Variants in PPM1H observed in about 807,000 individuals in gnomAD.
The protein encoded by PPM1H is protein phosphatase 1H.
Under a neutral mutation model 54.9 loss-of-function variants are expected in PPM1H, and 27 were observed. The observed-to-expected ratio is 0.49, with a 90% confidence interval of 0.36 to 0.68. The LOEUF (loss-of-function observed/expected upper bound fraction) is 0.68. Ranked by LOEUF, PPM1H falls within the 30% of genes least tolerant of loss-of-function variation. The pLI is 0.00. For missense variants in PPM1H, 596 were observed against 667.8 expected (o/e 0.89, Z 1.19); for synonymous variants, 305 against 270.8 (o/e 1.13, Z -1.24).
chr12:62,683,026 TTTA>T lies in PPM1H; in HGVS notation c.1245+6670_1245+6672del, dbSNP rs912141559. 1.9e-4 allele frequency among the ~76,000 whole-genome samples: 26 copies of T among 136,904 alleles called. No homozygotes were observed. The South Asian group carries it at 4.7e-3, about 25-fold the overall frequency. The allele number at this position is 136,904 out of a possible 152,430, so 89.8% of individuals were successfully genotyped here. A position where few individuals can be genotyped will look rare whatever the true frequency, so the allele number is the denominator to read the frequency against. On this transcript the variant is annotated intron_variant, in intron 8 of 9. Transcript: ENST00000228705. ...TTTATAGATACTACATTTGGGAGAG[TTTA>T]TTATTTATTATTATTATTATTATTA...
At chr12:62,667,933 T>C (rs1396479705) in intron 8 of PPM1H, among the ~76,000 whole-genome samples, 15 of 152,116 alleles carry the variant, frequency 9.9e-5, no homozygotes, top group African/African-American at 3.4e-4. Flanking sequence ...AGCAGCCAAC[T>C]CCTCTCACAT....
At chr12:62,823,216 G>T (rs746585005) in intron 2 of PPM1H, among the ~76,000 whole-genome samples, 3 of 152,100 alleles carry the variant, frequency 2.0e-5, no homozygotes, top group Non-Finnish European at 4.4e-5. Context: ...TCTCTGAATA[G>T]ACCAATAACA....
intron 4 of PPM1H, among the ~76,000 whole-genome samples, chr12:62,743,303 A>G (rs1349167287): frequency 6.6e-6 from 1 of 152,170 alleles, no homozygotes; most frequent in African/African-American, 2.4e-5. Context: ...CAGTGAGCCG[A>G]AACTGCACCA....
chr12:62,780,658 G>A (rs2076636632), intron 4 of PPM1H, among the ~76,000 whole-genome samples: 1 of 152,174 alleles, frequency 6.6e-6, no homozygotes, highest in African/African-American at 2.4e-5. Context: ...CTTTACTGTG[G>A]TTAAGCTTCA....
intron 1 of PPM1H, among the ~76,000 whole-genome samples, chr12:62,863,409 C>A (rs913159572): frequency 6.6e-6 from 1 of 152,176 alleles, no homozygotes; most frequent in African/African-American, 2.4e-5. Flanking sequence ...GCCACATATT[C>A]CTATTCAGAG....
chr12:62,886,941 C>T (rs571018598), intron 1 of PPM1H, among the ~76,000 whole-genome samples: 6 of 152,274 alleles, frequency 3.9e-5, no homozygotes, highest in African/African-American at 1.2e-4. Context: ...GAGGGGAAAG[C>T]GATGGGAAGA....
chr12:62,837,053 A>T (rs1053851643), intron 1 of PPM1H, among the ~76,000 whole-genome samples: 4 of 152,220 alleles, frequency 2.6e-5, no homozygotes, highest in Non-Finnish European at 4.4e-5. Flanking sequence ...ATCTACTTAA[A>T]AGGAGCAAAT....
At chr12:62,856,427 T>A (rs952611696) in intron 1 of PPM1H, among the ~76,000 whole-genome samples, 4 of 152,206 alleles carry the variant, frequency 2.6e-5, no homozygotes, top group African/African-American at 7.2e-5. Context: ...TGATGCCCAG[T>A]GTCCCACAAA....
chr12:62,843,212 A>C (rs1868820811), intron 1 of PPM1H, among the ~76,000 whole-genome samples: 1 of 152,182 alleles, frequency 6.6e-6, no homozygotes, highest in African/African-American at 2.4e-5. Flanking sequence ...GCTACTTGGG[A>C]GGCTGAGGCA....
chr12:62,816,898 A>G (rs1168229902), intron 2 of PPM1H, among the ~76,000 whole-genome samples: 1 of 151,814 alleles, frequency 6.6e-6, no homozygotes, highest in Non-Finnish European at 1.5e-5. Flanking sequence ...ACAGTGGGAA[A>G]CTATAGTGAA....
At chr12:62,655,636 A>G (rs549499221) in intron 9 of PPM1H, among the ~76,000 whole-genome samples, 2 of 152,332 alleles carry the variant, frequency 1.3e-5, no homozygotes, top group African/African-American at 4.8e-5. Flanking sequence ...AGAGCAGCCA[A>G]GAAGAATATG....
intron 2 of PPM1H, among the ~76,000 whole-genome samples, chr12:62,805,443 T>C (rs1456060334): frequency 2.0e-5 from 3 of 152,234 alleles, no homozygotes; most frequent in Non-Finnish European, 4.4e-5. Flanking sequence ...TGAAACAACC[T>C]TAGCATCCAT....
chr12:62,788,105 A>G (rs1414248941), intron 4 of PPM1H, 121 bp downstream of exon 4: 1 of 706,284 alleles, frequency 1.4e-6, no homozygotes, highest in Non-Finnish European at 2.4e-6. Flanking sequence ...CCTTAAATGC[A>G]TTTTCATTCT....
chr12:62,774,544 G>A (rs1335498479), intron 4 of PPM1H, among the ~76,000 whole-genome samples: 4 of 152,036 alleles, frequency 2.6e-5, no homozygotes, highest in Non-Finnish European at 5.9e-5. Flanking sequence ...ATCTCATCAT[G>A]TTGCCCAGAC....
chr12:62,881,968 A>G (rs1351859438), intron 1 of PPM1H, among the ~76,000 whole-genome samples: 3 of 152,246 alleles, frequency 2.0e-5, no homozygotes, highest in Admixed American at 6.5e-5. Flanking sequence ...TACCAGCTAC[A>G]TATTTAACAG....
intron 1 of PPM1H, among the ~76,000 whole-genome samples, chr12:62,909,974 C>T (rs1871406779): frequency 6.6e-6 from 1 of 152,106 alleles, no homozygotes; most frequent in African/African-American, 2.4e-5. Flanking sequence ...GTTTTAATAA[C>T]ATTAATTGCA....
chr12:62,825,775 C>G (rs139479708), intron 2 of PPM1H, among the ~76,000 whole-genome samples: 259 of 152,062 alleles, frequency 1.7e-3, no homozygotes, highest in Middle Eastern at 0.01. Context: ...GGAGAAATAC[C>G]TAATGAAAAT....
At chr12:62,878,119 G>C (rs2594711) in intron 1 of PPM1H, among the ~76,000 whole-genome samples, 99,351 of 151,994 alleles carry the variant, frequency 0.65, 33,606 homozygotes, top group African/African-American at 0.83. Flanking sequence ...AGGATGGTCT[G>C]GATCTCCTGA....
At chr12:62,738,371 A>T (rs1371154014) in intron 4 of PPM1H, among the ~76,000 whole-genome samples, 2 of 152,064 alleles carry the variant, frequency 1.3e-5, no homozygotes, top group Non-Finnish European at 2.9e-5. Flanking sequence ...GGGGAAAAAA[A>T]AAACCAAAAC....
Sources: allele counts gnomAD v4.1 joint callset (sites outside exome capture counted in the v4.1 genomes callset), GRCh38; gene constraint gnomAD v4.1.1; transcripts MANE v1.5; gene names NCBI Gene and HGNC (gene_info 2026-07-23, HGNC 2026-07-21).